Variants in STX8 observed in about 807,000 individuals in gnomAD.
The protein encoded by STX8 is syntaxin 8, also known as syntaxin-8.
Under a neutral mutation model 37.5 loss-of-function variants are expected in STX8, and 23 were observed. The observed-to-expected ratio is 0.61, with a 90% CI of 0.44 to 0.87. STX8 has a LOEUF of 0.87. STX8 is among the 40% of genes least tolerant of loss of function. STX8 has a pLI of 0.00. For synonymous variants in STX8, 115 were observed against 99.1 expected (o/e 1.16, Z -0.95); for missense variants, 313 against 284.7 (o/e 1.10, Z -0.71).
chr17:9,499,526 G>T (rs765136954), intron 5 of STX8, among the ~76,000 whole-genome samples: 3 of 152,106 alleles, frequency 2.0e-5, no homozygotes, highest in Non-Finnish European at 4.4e-5. Flanking sequence ...AGCCTCCCGA[G>T]TAGCTGGGAC....
At position 9,273,751 on chromosome 17, in the gene STX8, C is replaced by T. The variant is rs1378410091; in HGVS notation, c.644-23106G>A. Among the ~76,000 whole-genome samples, 3 of 152,250 alleles carry T rather than the reference C, an allele frequency of 2.0e-5. No individual in the cohort carries two copies. In the East Asian group the frequency reaches 5.8e-4, roughly 29 times the overall value. On this transcript the variant is annotated intron_variant, in intron 7 of 7. Coordinates refer to ENST00000306357, the MANE Select transcript of STX8 (RefSeq NM_004853.3). ...GGCTATTGGCTAATTGCAGAATTGGCTTGAGGCCTTTCTGCCTTGGCGATT... is the reference window on the plus strand; with the variant it reads ...GGCTATTGGCTAATTGCAGAATTGGTTTGAGGCCTTTCTGCCTTGGCGATT...
chr17:9,550,689 C>A (rs1906727406), intron 3 of STX8, among the ~76,000 whole-genome samples: 1 of 152,214 alleles, frequency 6.6e-6, no homozygotes, highest in Non-Finnish European at 1.5e-5. Flanking sequence ...AGCATTTGAA[C>A]CACAGATGGA....
intron 7 of STX8, among the ~76,000 whole-genome samples, chr17:9,342,879 G>A (rs1355866739): frequency 6.6e-6 from 1 of 152,112 alleles, no homozygotes; most frequent in Non-Finnish European, 1.5e-5. Flanking sequence ...AAATTAGCCA[G>A]GTGTGGTGGT....
At position 9,278,451 on chromosome 17, in the gene STX8, G is replaced by GA. The variant is rs111575173; in HGVS notation, c.644-27807dup. Among the ~76,000 whole-genome samples the GA allele has an allele frequency of 5.3e-3, 703 of 132,146 alleles. 5 individuals are homozygous for GA. The highest frequency in any genetic ancestry group is 0.019 in the Middle Eastern group (5 of 258). The allele number at this position is 132,146 out of a possible 152,430, so 86.7% of individuals were successfully genotyped here. ...GCAACAAGAGTGAAATTCCATCTCAGAAAAAAAAAAAAAATAGAAACATAC... is the reference window on the plus strand; with the variant it reads ...GCAACAAGAGTGAAATTCCATCTCAGAAAAAAAAAAAAAAATAGAAACATAC... On this transcript the variant is annotated intron_variant, in intron 7 of 7. Transcript: ENST00000306357.
intron 7 of STX8, among the ~76,000 whole-genome samples, chr17:9,338,317 G>C (rs2142227221): frequency 6.6e-6 from 1 of 152,242 alleles, no homozygotes; most frequent in Admixed American, 6.5e-5. Flanking sequence ...GCCTCCCAAA[G>C]TGCTGGGATT....
chr17:9,538,698 A>C (rs1906158467), intron 4 of STX8, among the ~76,000 whole-genome samples: 1 of 152,212 alleles, frequency 6.6e-6, no homozygotes, highest in African/African-American at 2.4e-5. Context: ...CCTTCTTGAC[A>C]TACAACTACC....
chr17:9,533,127 T>G (rs1177644954), intron 4 of STX8, among the ~76,000 whole-genome samples: 2 of 152,254 alleles, frequency 1.3e-5, no homozygotes, highest in Non-Finnish European at 2.9e-5. Flanking sequence ...ATTATCTGTC[T>G]GCAGAAGAAA....
chr17:9,556,766 T>TATATATATACATAC (rs1906985078), intron 3 of STX8: 1 of 32,302 alleles, frequency 3.1e-5, no homozygotes, highest in African/African-American at 1.5e-4. Flanking sequence ...TATATATATA[T>TATATATATACATAC]ATATATATAT....
intron 5 of STX8, among the ~76,000 whole-genome samples, chr17:9,503,867 C>T (rs967773839): frequency 1.3e-5 from 2 of 152,066 alleles, no homozygotes; most frequent in Non-Finnish European, 1.5e-5. Context: ...TGGGTTCAAG[C>T]GATTCTCCTG....
rs1453549609 is a variant in STX8 at position 9,447,699 on chromosome 17, A to G, written c.541+44130T>C. On this transcript the variant is annotated intron_variant, in intron 6 of 7. Coordinates refer to ENST00000306357, the MANE Select transcript of STX8 (RefSeq NM_004853.3). ...CAGTCTCCCAAAGTGCTGGGATTAC[A>G]GGCGTGAGCCACCACACCCGGCCTT... is the stretch of plus-strand genomic sequence containing the variant. Among the ~76,000 whole-genome samples the G allele has an allele frequency of 4.6e-5, 7 of 152,114 alleles. No individual in the cohort carries two copies. The East Asian group carries it at 1.4e-3, about 30-fold the overall frequency.
At chr17:9,432,156 C>CT (rs572528213) in intron 6 of STX8, among the ~76,000 whole-genome samples, 149 of 147,728 alleles carry the variant, frequency 1.0e-3, no homozygotes, top group African/African-American at 2.8e-3. Context: ...TTTCACCTGG[C>CT]TTTTTTTTTT....
chr17:9,361,511 G>A (rs1911063182), intron 7 of STX8, among the ~76,000 whole-genome samples: 1 of 152,230 alleles, frequency 6.6e-6, no homozygotes, highest in Non-Finnish European at 1.5e-5. Context: ...CCAGGGTGAA[G>A]AGCAGCAGGA....
chr17:9,570,195 C>T (rs994501774), intron 1 of STX8, among the ~76,000 whole-genome samples: 2 of 151,970 alleles, frequency 1.3e-5, no homozygotes, highest in Non-Finnish European at 2.9e-5. Context: ...ACTGAGGGAA[C>T]TTGATAAGTG....
At chr17:9,496,507 T>C (rs1368354227) in intron 5 of STX8, among the ~76,000 whole-genome samples, 1 of 152,242 alleles carries the variant, frequency 6.6e-6, no homozygotes, top group Non-Finnish European at 1.5e-5. Flanking sequence ...CTATCAGTCA[T>C]TATTCTATTT....
intron 4 of STX8, among the ~76,000 whole-genome samples, chr17:9,509,333 T>C (rs774214379): frequency 2.6e-5 from 4 of 151,976 alleles, no homozygotes; most frequent in Non-Finnish European, 4.4e-5. Flanking sequence ...ATTAGACTAA[T>C]AGCAGATTTC....
At chr17:9,516,942 G>T (rs181180352) in intron 4 of STX8, among the ~76,000 whole-genome samples, 1 of 152,096 alleles carries the variant, frequency 6.6e-6, no homozygotes, top group Non-Finnish European at 1.5e-5. Context: ...AACACTTGAG[G>T]ATATGATACC....
intron 6 of STX8, among the ~76,000 whole-genome samples, chr17:9,424,154 C>T (rs1002042983): frequency 6.6e-6 from 1 of 152,134 alleles, no homozygotes; most frequent in African/African-American, 2.4e-5. Flanking sequence ...GGTTCCCTGG[C>T]TGGGCGACCC....
chr17:9,280,534 CAA>C (rs773582103), intron 7 of STX8, among the ~76,000 whole-genome samples: 2 of 152,080 alleles, frequency 1.3e-5, no homozygotes, highest in East Asian at 3.9e-4. Flanking sequence ...GCTGGGGAAA[CAA>C]GAGCAAAACT....
At chr17:9,556,445 CTT>C (rs893527929) in intron 3 of STX8, among the ~76,000 whole-genome samples, 1 of 151,758 alleles carries the variant, frequency 6.6e-6, no homozygotes, top group Admixed American at 6.6e-5. Context: ...ATGAATTTCT[CTT>C]TTTTTATTAT....
Sources: allele counts gnomAD v4.1 joint callset (sites outside exome capture counted in the v4.1 genomes callset), GRCh38; gene constraint gnomAD v4.1.1; transcripts MANE v1.5; gene names NCBI Gene and HGNC (gene_info 2026-07-23, HGNC 2026-07-21).